Variants in WNT5B observed in about 807,000 individuals in gnomAD.
The protein encoded by WNT5B is Wnt family member 5B.
A neutral mutation model predicts 36.5 loss-of-function variants in WNT5B; 18 were observed. That is an observed-to-expected ratio of 0.49 (90% CI 0.34 to 0.73). WNT5B has a LOEUF of 0.73. WNT5B is among the 30% of genes least tolerant of loss of function. The probability of loss-of-function intolerance (pLI) is 0.01; values close to 1 mark genes in which losing one functional copy is unlikely to be tolerated. For missense variants in WNT5B, 424 were observed against 508.4 expected (o/e 0.83, Z 1.60); for synonymous variants, 213 against 212.3 (o/e 1.00, Z -0.03).
chr12:1,641,385 C>CA (rs1371392049), intron 4 of WNT5B, among the ~76,000 whole-genome samples: 11,408 of 100,764 alleles, frequency 0.11, 797 homozygotes, highest in African/African-American at 0.22. Flanking sequence ...GACTCCATCT[C>CA]AAAAAAAAAA....
rs757855572 is a variant in WNT5B, at chr12:1,646,040, C to T, written c.868C>T (p.Arg290Cys). The T allele has an allele frequency of 1.9e-6, 3 of 1,613,230 alleles. No homozygotes were observed. Among genetic ancestry groups the T allele is most frequent in the Non-Finnish European group, 2.5e-6 (3 of 1,180,004 alleles). Reference sequence around the variant, plus strand: ...GGACCCCAGCCCCGACTACTGCCTGCGCAACGAGAGCACGGGCTCCCTGGG... The same window carrying T: ...GGACCCCAGCCCCGACTACTGCCTGTGCAACGAGAGCACGGGCTCCCTGGG... ...YVDPSPDYCLRNESTGSLGTQ... is the reference protein window; with the variant it reads ...YVDPSPDYCLCNESTGSLGTQ... The change falls in exon 5 of 5, where the codon CGC becomes TGC. Residue 290 changes from arginine to cysteine, a missense_variant. Physicochemically the swap from Arg to Cys is radical, Grantham distance 180. Transcript: ENST00000397196.
In WNT5B at chr12:1,644,220, A is replaced by C. The variant is rs28384809; in HGVS notation, c.622-1574A>C. On this transcript the variant is annotated intron_variant, in intron 4 of 4. Transcript: ENST00000397196. This position sits in a 1 kb window ranked among gnomAD's most constrained non-coding sequence, Gnocchi z 5.1. ...GGGTCATTGCAGGCCCCATCTTTGA[A>C]GTGTCTGTCAGGATGGGGTGTCAGT... is the stretch of plus-strand genomic sequence containing the variant. Among the ~76,000 whole-genome samples the C allele has an allele frequency of 2.2e-3, 338 of 152,234 alleles. 12 individuals carry two copies. The East Asian group carries it at 0.061, about 28-fold the overall frequency.
In WNT5B at chr12:1,632,446, C is replaced by A. The variant is rs1294102255; in HGVS notation, c.81-212C>A. Among the ~76,000 whole-genome samples the A allele has an allele frequency of 2.0e-5, 3 of 152,198 alleles. 1 individual carries two copies. Among genetic ancestry groups the A allele is most frequent in the African/African-American group, 7.2e-5 (3 of 41,448 alleles). Reference sequence around the variant, plus strand: ...AAGCATATCCAGAGTCTGTCTGGGGCATTTGGCATCTCGCATGTCCTTTGT... The same window carrying A: ...AAGCATATCCAGAGTCTGTCTGGGGAATTTGGCATCTCGCATGTCCTTTGT... On this transcript the variant is annotated intron_variant, in intron 2 of 4. Transcript: ENST00000397196. The surrounding 1 kb of genome is among the most constrained non-coding windows in gnomAD (Gnocchi z 5.8).
At chr12:1,624,246 C>T (rs943060019), upstream of WNT5B, among the ~76,000 whole-genome samples, 2 of 151,994 alleles carry the variant, frequency 1.3e-5, no homozygotes, top group Non-Finnish European at 2.9e-5. Context: ...ATTAGCCGGT[C>T]GTGGTGGCAG....
chr12:1,639,236 C>G (rs1349282598), intron 3 of WNT5B, among the ~76,000 whole-genome samples: 2 of 150,884 alleles, frequency 1.3e-5, no homozygotes, highest in East Asian at 2.0e-4. Flanking sequence ...CTCCCGGGTT[C>G]ACGCCATTCT....
chr12:1,639,360 G>C (rs1051112102), intron 3 of WNT5B, among the ~76,000 whole-genome samples: 1 of 152,136 alleles, frequency 6.6e-6, no homozygotes, highest in Non-Finnish European at 1.5e-5. Flanking sequence ...GGCTGGTCTC[G>C]ATCTCCTGAC....
Position 1,630,616 on chromosome 12 carries a change from A to T in WNT5B, c.-57-682A>T, listed in dbSNP as rs1405138546. ...GTGCCGGGAGGGGCAGGGGCCGCCT[A>T]GGGAGGCACCACCTCAGCCGCCAGA... is the stretch of plus-strand genomic sequence containing the variant. On this transcript the variant is annotated intron_variant, in intron 1 of 4. Transcript: ENST00000397196. This position sits in a 1 kb window ranked among gnomAD's most constrained non-coding sequence, Gnocchi z 5.3. Among the ~76,000 whole-genome samples the T allele has an allele frequency of 1.3e-5, 2 of 152,154 alleles. No homozygotes were observed. The highest frequency in any genetic ancestry group is 4.8e-5 in the African/African-American group (2 of 41,434).
Position 1,646,392 on chromosome 12 carries a change from A to G in WNT5B, c.*140A>G. ...TGGAAAGATGAAAATGGAAAGGAAGAGCTTATTTAAGAGACGCTGGAGATC... is the reference window on the plus strand; with the variant it reads ...TGGAAAGATGAAAATGGAAAGGAAGGGCTTATTTAAGAGACGCTGGAGATC... On this transcript the variant is annotated 3_prime_UTR_variant, in exon 5 of 5. Coordinates refer to ENST00000397196, the MANE Select transcript of WNT5B (RefSeq NM_032642.3). 1.4e-6 allele frequency: 1 copy of G among 721,160 alleles called. No homozygotes were observed. The highest frequency in any genetic ancestry group is 3.5e-5 in the East Asian group (1 of 28,758). 44.7% of individuals were successfully genotyped at this position (721,160 alleles called of 1,614,324 possible).
Sources: gnomAD v4.1 joint callset for allele counts (sites outside exome capture counted in the v4.1 genomes callset) on GRCh38, gnomAD v4.1.1 for gene constraint, Gnocchi (gnomAD v3.1) non-coding constraint, MANE v1.5 for transcripts, NCBI Gene and HGNC (gene_info 2026-07-23, HGNC 2026-07-21) for gene names.